Variants in UGGT1 observed in about 807,000 individuals in gnomAD.
UGGT1 encodes the protein UDP-glucose glycoprotein glucosyltransferase 1.
Under a neutral mutation model 203.9 loss-of-function variants are expected in UGGT1, and 107 were observed. The observed-to-expected ratio is 0.52, with a 90% confidence interval of 0.45 to 0.62. The LOEUF is 0.62. Ranked by LOEUF, UGGT1 falls within the 20% of genes least tolerant of loss-of-function variation. The pLI is 0.00. For synonymous variants in UGGT1, 628 were observed against 653.5 expected (o/e 0.96, Z 0.59); for missense variants, 1,673 against 1,867.2 (o/e 0.90, Z 1.92).
At chr2:128,128,652 A>T in intron 12 of UGGT1, among the ~76,000 whole-genome samples, 1 of 152,028 alleles carries the variant, frequency 6.6e-6, no homozygotes, top group East Asian at 1.9e-4. Flanking sequence ...CAAACCTCTA[A>T]GTTGGGTGTG....
intron 18 of UGGT1, among the ~76,000 whole-genome samples, chr2:128,146,604 A>G (rs60829738): frequency 1.5e-3 from 222 of 152,188 alleles, no homozygotes; most frequent in African/African-American, 4.9e-3. Context: ...TTCAGACAGT[A>G]TAAAAGTCAG....
chr2:128,127,247 T>C, intron 11 of UGGT1, 114 bp from the exon 12 acceptor site: 1 of 697,894 alleles, frequency 1.4e-6, no homozygotes. Flanking sequence ...TTGAAGCAAA[T>C]CTTAGCCCTG....
rs1691739205 is a variant in UGGT1, at chr2:128,182,403, T to TA, written c.4244+119dup. The TA allele has an allele frequency of 3.8e-6, 5 of 1,330,164 alleles. No individual in the cohort carries two copies. In the East Asian group the frequency reaches 7.7e-5, roughly 20 times the overall value. 82.4% of individuals were successfully genotyped at this position (1,330,164 alleles called of 1,614,324 possible). On this transcript the variant is annotated intron_variant, in intron 37 of 40. Transcript: ENST00000259253. ...TGGTATGGTTGAAAAATAAAAATGA[T>TA]AAAAAATACACAGTGGCTGGGTGCA...
chr2:128,122,844 G>A (rs1390463908), intron 10 of UGGT1, among the ~76,000 whole-genome samples: 1 of 152,164 alleles, frequency 6.6e-6, no homozygotes, highest in Non-Finnish European at 1.5e-5. Flanking sequence ...TGCTTAAGTG[G>A]GAAGAGCAAT....
intron 39 of UGGT1, 123 bp downstream of exon 39, chr2:128,186,922 C>T (rs1469721813): frequency 4.1e-6 from 3 of 727,046 alleles, no homozygotes; most frequent in Admixed American, 5.3e-5. Flanking sequence ...TAGACTTTCT[C>T]TGTAATTGTG....
At chr2:128,121,441 T>A in intron 10 of UGGT1, 143 bp downstream of exon 10, 1 of 587,418 alleles carries the variant, frequency 1.7e-6, no homozygotes, top group Non-Finnish European at 2.7e-6. Flanking sequence ...GTCTCACTCT[T>A]GTTGCCGAGG....
chr2:128,094,802 G>A lies in UGGT1; in HGVS notation c.59-2627G>A, dbSNP rs889154902. On this transcript the variant is annotated intron_variant, in intron 1 of 40. Transcript: ENST00000259253. ...CTCTCTCTGTCGCCCAGGCTGGAGT[G>A]CAGTGGTGCGATCTCGACTTACTGA... is the stretch of plus-strand genomic sequence containing the variant. Among the ~76,000 whole-genome samples the A allele has an allele frequency of 2.9e-5, 4 of 138,666 alleles. 1 individual carries two copies. Among genetic ancestry groups the A allele is most frequent in the African/African-American group, 1.1e-4 (4 of 36,720 alleles). The allele number at this position is 138,666 out of a possible 152,430, so 91.0% of individuals were successfully genotyped here. A position where few individuals can be genotyped will look rare whatever the true frequency, so the allele number is the denominator to read the frequency against.
intron 7 of UGGT1, 23 bp from the exon 8 acceptor site, chr2:128,116,242 A>G (rs947916773): frequency 2.1e-6 from 3 of 1,447,474 alleles, no homozygotes; most frequent in African/African-American, 1.4e-5. Flanking sequence ...TATTAATAAT[A>G]TGTATTTTCT....
intron 37 of UGGT1, 120 bp from the exon 38 acceptor site, chr2:128,183,555 G>A (rs1691816951): frequency 2.9e-6 from 2 of 678,272 alleles, no homozygotes; most frequent in Non-Finnish European, 5.2e-6. Flanking sequence ...TAGGGCTGTA[G>A]CATACCTTTT....
rs553145526 is a variant in UGGT1 at position 128,180,992 on chromosome 2, A to T, written c.4003A>T (p.Ile1335Phe). ...LHQQTEKQRIIWGYKILFLDV... is the reference protein window; with the variant it reads ...LHQQTEKQRIFWGYKILFLDV... ...TCAACAAACTGAAAAACAGCGTATC[A>T]TCTGGGGTTACAAGATCCTCTTCCT... Residue 1335 changes from isoleucine (I) to phenylalanine (F), a missense_variant, in exon 36 of 41, where the codon ATC becomes TTC. By Grantham distance (21) the Ile-to-Phe change is conservative (BLOSUM62 0). This residue lies in a region of UGGT1 where 513 missense variants were observed against 684.1 expected (regional missense o/e 0.75). Coordinates refer to ENST00000259253, the MANE Select transcript of UGGT1 (RefSeq NM_020120.4). 2.5e-6 allele frequency: 4 copies of T among 1,614,190 alleles called. No homozygotes were observed. The highest frequency in any genetic ancestry group is 1.3e-5 in the African/African-American group (1 of 75,052).
At chr2:128,143,879 G>A (rs1024108815) in intron 17 of UGGT1, among the ~76,000 whole-genome samples, 7 of 151,818 alleles carry the variant, frequency 4.6e-5, no homozygotes, top group Admixed American at 1.3e-4. Context: ...AAGTCCAATG[G>A]AATGGATTCT....
intron 18 of UGGT1, among the ~76,000 whole-genome samples, chr2:128,149,915 T>A (rs1689868920): frequency 6.6e-6 from 1 of 152,146 alleles, no homozygotes; most frequent in Non-Finnish European, 1.5e-5. Context: ...TGAGCCAAGA[T>A]CGTGACATTG....
rs1691294600 is a variant in UGGT1 at position 128,174,843 on chromosome 2, T to A, written c.3524T>A (p.Ile1175Asn). Reference protein sequence around the residue: ...LRLRKGRSEDIYRIYSHDGTD... With the variant: ...LRLRKGRSEDNYRIYSHDGTD... ...CTTAGGAAGGGACGCTCTGAAGATA[T>A]TTATAGAATTTACAGGTAGGAGTAA... is the stretch of plus-strand genomic sequence containing the variant. The change falls in exon 31 of 41, where the codon ATT (isoleucine) becomes AAT (asparagine). Residue 1175 changes from isoleucine (I) to asparagine (N), a missense_variant. Ile to Asn is a moderately radical substitution (Grantham distance 149). Coordinates refer to ENST00000259253, the MANE Select transcript of UGGT1 (RefSeq NM_020120.4). The A allele has an allele frequency of 1.2e-6, 2 of 1,612,702 alleles. No individual in the cohort carries two copies. The highest frequency in any genetic ancestry group is 4.5e-5 in the East Asian group (2 of 44,818).
intron 11 of UGGT1, among the ~76,000 whole-genome samples, chr2:128,126,943 C>G (rs1573536687): frequency 6.6e-6 from 1 of 151,980 alleles, no homozygotes; most frequent in African/African-American, 2.4e-5. Context: ...TTGGCCTCCC[C>G]AAGTGCTGAG....
intron 9 of UGGT1, 114 bp from the exon 10 acceptor site, chr2:128,121,085 T>C: frequency 1.0e-6 from 1 of 961,496 alleles, no homozygotes; most frequent in Non-Finnish European, 1.6e-6. Flanking sequence ...AATGGTTGCA[T>C]TCGAAGATAT....
chr2:128,139,380 A>G (rs1689297299), intron 16 of UGGT1, among the ~76,000 whole-genome samples: 1 of 152,208 alleles, frequency 6.6e-6, no homozygotes, highest in Admixed American at 6.5e-5. Flanking sequence ...CACCATGCCC[A>G]GAGAATATTT....
In UGGT1 at chr2:128,189,647, A is replaced by G. The variant is rs553772650; in HGVS notation, c.4643-70A>G. On this transcript the variant is annotated intron_variant, in intron 40 of 40. Coordinates refer to ENST00000259253, the MANE Select transcript of UGGT1 (RefSeq NM_020120.4). ...AAAGAATAGGTTCCAGTGATGAAAA[A>G]TGCCCACTCAGTGGTGTTTGTAATT... The G allele has an allele frequency of 7.2e-6, 11 of 1,517,372 alleles. 1 individual carries two copies. In the African/African-American group the frequency reaches 9.6e-5, roughly 13 times the overall value. 94.0% of individuals were successfully genotyped at this position (1,517,372 alleles called of 1,614,324 possible). A position where few individuals can be genotyped will look rare whatever the true frequency, so the allele number is the denominator to read the frequency against.
Position 128,133,189 on chromosome 2 carries a change from A to G in UGGT1, c.1426A>G (p.Ser476Gly), listed in dbSNP as rs954268175. The change falls in exon 14 of 41, where the codon AGT (serine) becomes GGT (glycine). Residue 476 changes from serine to glycine, a missense_variant. Physicochemically the swap from Ser to Gly is moderately conservative, Grantham distance 56. Coordinates refer to ENST00000259253, the MANE Select transcript of UGGT1 (RefSeq NM_020120.4). ...VDSRYNSWPS[S>G]LQELLRPTFP... ...TAGCAGATATAATTCGTGGCCTTCT[A>G]GTTTACAAGAGTTGCTTCGACCCAC... The G allele has an allele frequency of 5.6e-6, 9 of 1,613,990 alleles. No individual in the cohort carries two copies. The highest frequency in any genetic ancestry group is 6.8e-6 in the Non-Finnish European group (8 of 1,179,994).
Position 128,143,241 on chromosome 2 carries a change from G to A in UGGT1, c.1851+16G>A. The A allele has an allele frequency of 1.9e-6, 3 of 1,612,076 alleles. No homozygotes were observed. ...GAATCGGAAGGTAAAAAATTTCTTT[G>A]TGTTTCTTATTTGATTGCAACATTG... On this transcript the variant is annotated intron_variant, in intron 17 of 40. Coordinates refer to ENST00000259253, the MANE Select transcript of UGGT1 (RefSeq NM_020120.4).
Sources: gnomAD v4.1 joint callset for allele counts (sites outside exome capture counted in the v4.1 genomes callset) on GRCh38, gnomAD v4.1.1 for gene constraint, gnomAD v4.1.1 regional missense constraint, MANE v1.5 for transcripts, NCBI Gene and HGNC (gene_info 2026-07-23, HGNC 2026-07-21) for gene names.